A2M: variants seen among roughly 807,000 people sequenced by gnomAD.
The protein encoded by A2M is alpha-2-macroglobulin, also known as C3 and PZP-like alpha-2-macroglobulin domain-containing protein 5.
A neutral mutation model predicts 183.9 loss-of-function variants in A2M; 128 were observed. That is an observed-to-expected ratio of 0.70 (90% CI 0.60 to 0.81). The LOEUF (loss-of-function observed/expected upper bound fraction) is 0.81, where lower values mean the gene tolerates loss of function less well. Ranked by LOEUF, A2M falls within the 30% of genes least tolerant of loss-of-function variation. A2M has a pLI of 0.00. For synonymous variants in A2M, 592 were observed against 670.8 expected, an observed-to-expected ratio of 0.88 and a Z score of 1.81; for missense variants, 1,495 against 1,787.6, an observed-to-expected ratio of 0.84 and a Z score of 2.95.
At chr12:9,104,549 CCAT>C (rs1285143134) in intron 10 of A2M, 149 bp from the exon 11 acceptor site, 1 of 742,998 alleles carries the variant, frequency 1.3e-6, no homozygotes, top group African/African-American at 1.8e-5. Context: ...GAAGTTTCTT[CCAT>C]CACAGAGCTT....
intron 3 of A2M, 51 bp from the exon 4 acceptor site, chr12:9,112,262 G>T: frequency 6.2e-7 from 1 of 1,611,046 alleles, no homozygotes; most frequent in South Asian, 1.1e-5. Context: ...TAGGCCTGTA[G>T]GCTGGTAAGA....
chr12:9,109,718 G>T, intron 6 of A2M, 149 bp downstream of exon 6: 1 of 742,874 alleles, frequency 1.3e-6, no homozygotes, highest in Non-Finnish European at 2.2e-6. Context: ...GATCACTGAT[G>T]TCCTCATTGG....
intron 31 of A2M, among the ~76,000 whole-genome samples, chr12:9,071,011 G>C (rs1948558597): frequency 6.6e-6 from 1 of 151,956 alleles, no homozygotes; most frequent in Non-Finnish European, 1.5e-5. Context: ...GTACAGACGG[G>C]GTTTCTCCAT....
chr12:9,081,912 G>T (rs1242948011), intron 22 of A2M, among the ~76,000 whole-genome samples: 3 of 152,214 alleles, frequency 2.0e-5, no homozygotes, highest in African/African-American at 7.2e-5. Flanking sequence ...CCCATTCAGA[G>T]ATACCAGCCA....
chr12:9,076,637 T>C, intron 28 of A2M, 119 bp downstream of exon 28: 1 of 859,394 alleles, frequency 1.2e-6, no homozygotes, highest in Non-Finnish European at 1.8e-6. Flanking sequence ...AAAATATATA[T>C]GATATATAGA....
intron 26 of A2M, 85 bp from the exon 27 acceptor site, chr12:9,077,505 T>C (rs1565580831): frequency 1.3e-6 from 2 of 1,489,058 alleles, no homozygotes; most frequent in Non-Finnish European, 1.8e-6. Context: ...TGTCATGGAA[T>C]TCATCCTTAC....
At chr12:9,068,131 G>C in intron 35 of A2M, 52 bp downstream of exon 35, 2 of 1,592,988 alleles carry the variant, frequency 1.3e-6, no homozygotes, top group Non-Finnish European at 1.7e-6. Context: ...AAGGTTTGGG[G>C]GGCAAGCTGA....
At chr12:9,112,876 T>C (rs1016691143) in intron 2 of A2M, among the ~76,000 whole-genome samples, 6 of 152,168 alleles carry the variant, frequency 3.9e-5, no homozygotes, top group Non-Finnish European at 8.8e-5. Flanking sequence ...TTACAGGCTA[T>C]GGAAAAAAAC....
intron 18 of A2M, among the ~76,000 whole-genome samples, chr12:9,092,227 C>G (rs1260348157): frequency 1.3e-5 from 2 of 152,102 alleles, no homozygotes; most frequent in African/African-American, 2.4e-5. Flanking sequence ...TCTGAACATA[C>G]CCCTGGGAAT....
chr12:9,112,537 C>A lies in A2M; in HGVS notation c.271-1G>T. On this transcript the variant is annotated splice_acceptor_variant, in intron 2 of 35. Transcript: ENST00000318602. LOFTEE classifies it high-confidence loss of function. ...CCTCATTGGATGAAGACTTTGGGACCTGAAATACAGGACCGATCCTGAAAC... is the reference window on the plus strand; with the variant it reads ...CCTCATTGGATGAAGACTTTGGGACATGAAATACAGGACCGATCCTGAAAC... 1 of 1,613,500 alleles carries A rather than the reference C, an allele frequency of 6.2e-7. No homozygotes were observed. Among genetic ancestry groups the A allele is most frequent in the Non-Finnish European group, 8.5e-7 (1 of 1,179,698 alleles).
Position 9,072,812 on chromosome 12 carries a change from A to G in A2M, c.3816T>C (p.Thr1272=). The G allele has an allele frequency of 6.2e-7, 1 of 1,614,204 alleles. No homozygotes were observed. The highest frequency in any genetic ancestry group is 8.5e-7 in the Non-Finnish European group (1 of 1,180,022). ...SKYGAATFTR[T]GKAAQVTIQS... ...GGATAGTCACCTGTGCAGCCTTCCCAGTCCTGGTAAATGTGGCTGCTCCAT... is the reference window on the plus strand; with the variant it reads ...GGATAGTCACCTGTGCAGCCTTCCCGGTCCTGGTAAATGTGGCTGCTCCAT... The change falls in exon 30 of 36, where the codon ACT becomes ACC. Residue 1272 remains threonine, a synonymous_variant. Transcript: ENST00000318602.
intron 22 of A2M, among the ~76,000 whole-genome samples, chr12:9,081,773 C>T (rs1185617852): frequency 6.6e-6 from 1 of 152,158 alleles, no homozygotes; most frequent in Non-Finnish European, 1.5e-5. Flanking sequence ...TCTCAGGAAG[C>T]CCACTCTGGT....
intron 10 of A2M, among the ~76,000 whole-genome samples, chr12:9,104,785 A>G (rs755646913): frequency 1.4e-3 from 211 of 152,316 alleles, no homozygotes; most frequent in African/African-American, 4.8e-3. Flanking sequence ...GTAATATGAT[A>G]ATGAAATATT....
intron 28 of A2M, among the ~76,000 whole-genome samples, chr12:9,076,103 T>C (rs989809279): frequency 6.6e-5 from 10 of 152,204 alleles, no homozygotes; most frequent in African/African-American, 1.9e-4. Flanking sequence ...ATTATTGGTC[T>C]TATGAAATGG....
intron 35 of A2M, 74 bp downstream of exon 35, chr12:9,068,109 T>TC (rs1484234228): frequency 1.2e-5 from 18 of 1,508,136 alleles, no homozygotes; most frequent in Non-Finnish European, 1.5e-5. Context: ...TACCCAGCGT[T>TC]TTATGAAGGA....
At chr12:9,092,170 A>G (rs1229364048) in intron 18 of A2M, among the ~76,000 whole-genome samples, 1 of 152,142 alleles carries the variant, frequency 6.6e-6, no homozygotes, top group Non-Finnish European at 1.5e-5. Context: ...CAGTAAGGGC[A>G]CTTCCCATGC....
chr12:9,098,869 C>T (rs891024182), intron 14 of A2M, 113 bp from the exon 15 acceptor site: 63 of 1,212,336 alleles, frequency 5.2e-5, no homozygotes, highest in Non-Finnish European at 6.3e-5. Flanking sequence ...TGCTTGACTT[C>T]GTGGAGGGTT....
intron 1 of A2M, among the ~76,000 whole-genome samples, chr12:9,114,051 G>A (rs1200121880): frequency 1.3e-5 from 2 of 152,176 alleles, no homozygotes; most frequent in Non-Finnish European, 2.9e-5. Flanking sequence ...TGGAATCTGA[G>A]CCTCAAAGAA....
chr12:9,115,640 G>A (rs1315973218), intron 1 of A2M, 124 bp downstream of exon 1: 21 of 722,760 alleles, frequency 2.9e-5, no homozygotes, highest in Non-Finnish European at 4.4e-5. Context: ...GTAAAATCTG[G>A]AAGGAATCTT....
Sources: gnomAD v4.1 joint callset for allele counts (sites outside exome capture counted in the v4.1 genomes callset) on GRCh38, gnomAD v4.1.1 for gene constraint, MANE v1.5 for transcripts, NCBI Gene and HGNC (gene_info 2026-07-23, HGNC 2026-07-21) for gene names.